Variants in ASIC2 observed in about 807,000 individuals in gnomAD.
ASIC2 encodes the protein acid-sensing ion channel 2.
ASIC2 carries 25 observed loss-of-function variants against 57.3 expected under a neutral mutation model. The ratio of observed to expected loss-of-function variants is 0.44; its 90% CI spans 0.32 to 0.61. ASIC2 has a LOEUF of 0.61. Ranked by LOEUF, ASIC2 falls within the 20% of genes least tolerant of loss-of-function variation. The probability of loss-of-function intolerance (pLI) is 0.06; values close to 1 mark genes in which losing one functional copy is unlikely to be tolerated. For missense variants in ASIC2, 641 were observed against 738.1 expected (o/e 0.87, Z 1.52); for synonymous variants, 319 against 307.5 (o/e 1.04, Z -0.39).
chr17:33,913,763 G>T (rs1268401739), intron 1 of ASIC2, among the ~76,000 whole-genome samples: 2 of 151,982 alleles, frequency 1.3e-5, no homozygotes, highest in Admixed American at 1.3e-4. Flanking sequence ...ATAAGTGTAT[G>T]TCAGATACCC....
chr17:34,084,972 T>C (rs1910049322), intron 1 of ASIC2, among the ~76,000 whole-genome samples: 1 of 152,216 alleles, frequency 6.6e-6, no homozygotes, highest in Non-Finnish European at 1.5e-5. Context: ...TATACAATCA[T>C]GTTGTCTGCA....
chr17:33,799,426 T>TCTTTCTTTCTTTCTTTCTTTCTTC (rs1567719026), intron 1 of ASIC2, among the ~76,000 whole-genome samples: 5 of 63,584 alleles, frequency 7.9e-5, no homozygotes, highest in African/African-American at 3.5e-4. Context: ...TTTCTTTCTT[T>TCTTTCTTTCTTTCTTTCTTTCTTC]CTTCTTTCTT....
chr17:33,261,422 G>A (rs537047978), intron 1 of ASIC2, among the ~76,000 whole-genome samples: 3 of 152,322 alleles, frequency 2.0e-5, no homozygotes, highest in Admixed American at 6.5e-5. Flanking sequence ...AGCTTCCAGG[G>A]AAATAGGGGA....
At chr17:33,876,074 T>C (rs1034051914) in intron 1 of ASIC2, among the ~76,000 whole-genome samples, 4 of 152,204 alleles carry the variant, frequency 2.6e-5, no homozygotes, top group Admixed American at 1.3e-4. Context: ...GTACTTGGGA[T>C]CGAGATTCAA....
intron 1 of ASIC2, among the ~76,000 whole-genome samples, chr17:33,433,468 A>C (rs1215430498): frequency 6.6e-6 from 1 of 152,210 alleles, no homozygotes; most frequent in African/African-American, 2.4e-5. Context: ...TAATACCTTG[A>C]TGACCGGCCA....
At chr17:34,053,928 A>T (rs577075686) in intron 1 of ASIC2, among the ~76,000 whole-genome samples, 2 of 152,246 alleles carry the variant, frequency 1.3e-5, no homozygotes, top group Admixed American at 6.5e-5. Context: ...GACAAGACTC[A>T]GGTACCTATA....
intron 1 of ASIC2, among the ~76,000 whole-genome samples, chr17:33,779,236 CTGT>C (rs1431947623): frequency 2.0e-5 from 3 of 152,072 alleles, no homozygotes; most frequent in African/African-American, 7.2e-5. Flanking sequence ...CTGTTAAGTT[CTGT>C]TGTTCCTTAA....
intron 1 of ASIC2, among the ~76,000 whole-genome samples, chr17:33,245,726 G>A (rs1908665958): frequency 6.6e-6 from 1 of 152,166 alleles, no homozygotes; most frequent in African/African-American, 2.4e-5. Flanking sequence ...AAGGGGCAAA[G>A]AGCCTGGTGG....
intron 1 of ASIC2, among the ~76,000 whole-genome samples, chr17:33,804,852 T>C (rs921793732): frequency 6.6e-6 from 1 of 152,144 alleles, no homozygotes; most frequent in Non-Finnish European, 1.5e-5. Context: ...CCATACTTCC[T>C]CTCAGAAATA....
chr17:33,376,535 T>C (rs1195648331), intron 1 of ASIC2, among the ~76,000 whole-genome samples: 1 of 152,212 alleles, frequency 6.6e-6, no homozygotes, highest in Non-Finnish European at 1.5e-5. Flanking sequence ...GGGCATTCTT[T>C]AGGTGTTTTA....
chr17:33,070,307 G>A (rs1401224185), intron 3 of ASIC2, among the ~76,000 whole-genome samples: 9 of 150,042 alleles, frequency 6.0e-5, no homozygotes, highest in Non-Finnish European at 8.8e-5. Flanking sequence ...GTAGTTATAG[G>A]TTGGTGCAAA....
chr17:33,267,235 C>T lies in ASIC2; in HGVS notation c.708+24173G>A, dbSNP rs1331505567. Reference sequence around the variant, plus strand: ...GCACACACTCACATGCACCCCTTACCCCCCCCAGGAAGCAAGGAGTGTTGG... The same window carrying T: ...GCACACACTCACATGCACCCCTTACTCCCCCCAGGAAGCAAGGAGTGTTGG... On this transcript the variant is annotated intron_variant, in intron 1 of 9. Coordinates refer to ENST00000225823, the MANE Select transcript of ASIC2 (RefSeq NM_183377.2). Among the ~76,000 whole-genome samples the T allele has an allele frequency of 2.4e-5, 3 of 126,756 alleles. No homozygotes were observed. In the East Asian group the frequency reaches 9.1e-4, roughly 39 times the overall value. The allele number at this position is 126,756 out of a possible 152,430, so 83.2% of individuals were successfully genotyped here. A position where few individuals can be genotyped will look rare whatever the true frequency, so the allele number is the denominator to read the frequency against.
chr17:34,062,774 G>A (rs1014191052), intron 1 of ASIC2, among the ~76,000 whole-genome samples: 1 of 152,038 alleles, frequency 6.6e-6, no homozygotes, highest in Non-Finnish European at 1.5e-5. Context: ...ACCTAGAAGA[G>A]ACAGATAAAT....
intron 1 of ASIC2, among the ~76,000 whole-genome samples, chr17:33,974,037 C>T (rs1315897328): frequency 6.6e-6 from 1 of 152,194 alleles, no homozygotes; most frequent in East Asian, 1.9e-4. Flanking sequence ...TTTCCGTCCA[C>T]TAATCCCCAT....
At chr17:33,123,167 T>C (rs1370138710) in intron 1 of ASIC2, among the ~76,000 whole-genome samples, 1 of 152,194 alleles carries the variant, frequency 6.6e-6, no homozygotes, top group African/African-American at 2.4e-5. Context: ...TTAAAATCAA[T>C]ATGCTGAAGA....
intron 1 of ASIC2, among the ~76,000 whole-genome samples, chr17:33,123,578 G>C (rs954243504): frequency 6.6e-6 from 1 of 152,082 alleles, no homozygotes; most frequent in Non-Finnish European, 1.5e-5. Flanking sequence ...GGGAATACCT[G>C]CCTGCTTGGT....
intron 1 of ASIC2, among the ~76,000 whole-genome samples, chr17:33,977,857 C>T (rs1313891382): frequency 6.6e-6 from 1 of 152,196 alleles, no homozygotes; most frequent in African/African-American, 2.4e-5. Context: ...TGTGAGCAGA[C>T]TGGAGAGGAA....
intron 1 of ASIC2, among the ~76,000 whole-genome samples, chr17:33,556,069 C>T (rs1567648899): frequency 6.6e-6 from 1 of 152,166 alleles, no homozygotes; most frequent in East Asian, 1.9e-4. Flanking sequence ...CAATGTGATC[C>T]CACAGCAATG....
In ASIC2 at chr17:33,402,966, T is replaced by C. The variant is rs150510669; in HGVS notation, c.556-290899A>G. ...GATTAAGAAGTCAAGAAACAGCAGA[T>C]GCTGCTGAGATTGTGGAGAAATAGG... On this transcript the variant is annotated intron_variant, in intron 1 of 9. Coordinates refer to the ASIC2 transcript ENST00000359872. 1.5e-3 allele frequency among the ~76,000 whole-genome samples: 233 copies of C among 152,342 alleles called. 2 individuals are homozygous for C. In the East Asian group the frequency reaches 0.038, roughly 25 times the overall value.
Sources: gnomAD v4.1 joint callset for allele counts (sites outside exome capture counted in the v4.1 genomes callset) on GRCh38, gnomAD v4.1.1 for gene constraint, MANE v1.5 for transcripts, NCBI Gene and HGNC (gene_info 2026-07-23, HGNC 2026-07-21) for gene names.